Variants in NTRK3 observed in about 807,000 individuals in gnomAD.
NTRK3 encodes the protein NT-3 growth factor receptor.
Under a neutral mutation model 91.7 loss-of-function variants are expected in NTRK3, and 24 were observed. The observed-to-expected ratio is 0.26, with a 90% CI of 0.19 to 0.37. NTRK3 has a LOEUF of 0.37. Among genes scored for constraint, NTRK3 ranks in the 10% least tolerant of loss-of-function variants. The pLI, the probability that NTRK3 is intolerant of heterozygous loss-of-function variation, is 1.00. For synonymous variants in NTRK3, 483 were observed against 404.0 expected (o/e 1.20, Z -2.34); for missense variants, 880 against 1,068.9 (o/e 0.82, Z 2.46).
chr15:88,251,173 G>C (rs2053309058), intron 3 of NTRK3, among the ~76,000 whole-genome samples: 1 of 152,224 alleles, frequency 6.6e-6, no homozygotes, highest in African/African-American at 2.4e-5. Context: ...GAGTTTGCTA[G>C]AGGTGGGAAG....
chr15:88,056,261 A>T (rs2045685486), intron 13 of NTRK3, among the ~76,000 whole-genome samples: 1 of 149,900 alleles, frequency 6.7e-6, no homozygotes, highest in African/African-American at 2.4e-5. Flanking sequence ...ATGTGTATAA[A>T]ATGGAAATAG....
intron 3 of NTRK3, among the ~76,000 whole-genome samples, chr15:88,229,328 CAGG>C (rs1389747359): frequency 7.9e-5 from 12 of 152,140 alleles, no homozygotes; most frequent in African/African-American, 2.9e-4. Flanking sequence ...AGCCCATGAG[CAGG>C]AGAACTAGGA....
At chr15:88,119,846 G>T (rs1001901991) in intron 13 of NTRK3, among the ~76,000 whole-genome samples, 6 of 152,190 alleles carry the variant, frequency 3.9e-5, no homozygotes, top group Non-Finnish European at 8.8e-5. Context: ...CAGGGTGAAA[G>T]AAACTATTTT....
At position 88,012,866 on chromosome 15, in the gene NTRK3, T is replaced by A. The variant is rs545115119; in HGVS notation, c.1585+19991A>T. 2.8e-4 allele frequency among the ~76,000 whole-genome samples: 43 copies of A among 152,338 alleles called. No homozygotes were observed. The South Asian group carries it at 8.7e-3, about 31-fold the overall frequency. On this transcript the variant is annotated intron_variant, in intron 14 of 18. Coordinates refer to ENST00000394480, the Ensembl canonical transcript of NTRK3. ...TGAATCCCATGCCCAGAGTTTCGGA[T>A]TCAGTGGGTCTGAAGTGAATCCTGA...
intron 13 of NTRK3, among the ~76,000 whole-genome samples, chr15:88,096,467 C>G (rs936179170): frequency 3.3e-5 from 5 of 152,162 alleles, no homozygotes; most frequent in African/African-American, 1.2e-4. Flanking sequence ...TGCTGAGGCC[C>G]CACTCATATC....
chr15:87,958,454 T>C (rs1241456801), intron 14 of NTRK3, among the ~76,000 whole-genome samples: 1 of 152,076 alleles, frequency 6.6e-6, no homozygotes, highest in Non-Finnish European at 1.5e-5. Flanking sequence ...CTTGTGTGTC[T>C]AGTGGTCTTT....
intron 3 of NTRK3, among the ~76,000 whole-genome samples, chr15:88,218,227 A>T (rs2049954675): frequency 6.6e-6 from 1 of 152,176 alleles, no homozygotes; most frequent in African/African-American, 2.4e-5. Context: ...AAACAAGACC[A>T]CTATGTTGAG....
intron 14 of NTRK3, among the ~76,000 whole-genome samples, chr15:87,996,270 T>C (rs544897765): frequency 1.2e-3 from 184 of 152,036 alleles, no homozygotes; most frequent in Middle Eastern, 6.8e-3. Flanking sequence ...TAAAATAAAA[T>C]AAAACCATTC....
chr15:88,034,410 C>T (rs550094219), intron 13 of NTRK3, among the ~76,000 whole-genome samples: 21 of 152,330 alleles, frequency 1.4e-4, no homozygotes, highest in Admixed American at 3.3e-4. Context: ...AGATAATTAA[C>T]GCTGCAGTCT....
chr15:88,231,619 C>G (rs555705350), intron 3 of NTRK3, among the ~76,000 whole-genome samples: 16 of 152,156 alleles, frequency 1.1e-4, no homozygotes, highest in Admixed American at 6.5e-5. Context: ...TCACTCAATG[C>G]GAGCATCCAT....
At position 88,235,810 on chromosome 15, in the gene NTRK3, AC is replaced by A. The variant is rs1265219418; in HGVS notation, c.248+20095del. Among the ~76,000 whole-genome samples, 29 of 152,102 alleles carry A rather than the reference AC, an allele frequency of 1.9e-4. 1 individual carries two copies. The East Asian group carries it at 5.0e-3, about 26-fold the overall frequency. ...CAAGAAGCTGTGCACCACAACAGGA[AC>A]CCCCCTGGGGCTTTGAGTCAAACAG... On this transcript the variant is annotated intron_variant, in intron 3 of 18. Transcript: ENST00000394480. This position sits in a 1 kb window ranked among gnomAD's most constrained non-coding sequence, Gnocchi z 5.2.
At chr15:87,958,393 CT>C (rs1451233858) in intron 14 of NTRK3, among the ~76,000 whole-genome samples, 4 of 152,146 alleles carry the variant, frequency 2.6e-5, no homozygotes, top group Admixed American at 6.5e-5. Flanking sequence ...CAGATATCAT[CT>C]GACTTGTGAA....
intron 14 of NTRK3, among the ~76,000 whole-genome samples, chr15:88,009,265 A>G (rs114350914): frequency 0.021 from 3,240 of 152,286 alleles, 115 homozygotes; most frequent in African/African-American, 0.074. Context: ...CTTTGCATTT[A>G]TTTCCTTTAT....
intron 16 of NTRK3, among the ~76,000 whole-genome samples, 169 bp from the exon 17 acceptor site, chr15:87,929,603 G>T (rs915853889): frequency 6.6e-6 from 1 of 152,182 alleles, no homozygotes; most frequent in African/African-American, 2.4e-5. Context: ...TTATGTACGT[G>T]TGGGTAAGGG....
At chr15:87,896,858 T>A (rs1022395561) in intron 17 of NTRK3, among the ~76,000 whole-genome samples, 6 of 152,164 alleles carry the variant, frequency 3.9e-5, no homozygotes, top group Non-Finnish European at 8.8e-5. Flanking sequence ...TTGCCTCTCC[T>A]CTTCCCAGTA....
rs80238370 is a variant in NTRK3, at chr15:87,875,420, G to A, written c.*1515C>T. On this transcript the variant is annotated 3_prime_UTR_variant, in exon 19 of 19. Coordinates refer to ENST00000394480, the Ensembl canonical transcript of NTRK3. Reference sequence around the variant, plus strand: ...CAGCCAGGAAGGCAGTGATTCCCCAGTGCTGGGGCAGAGGGAGCAGGCCCC... The same window carrying A: ...CAGCCAGGAAGGCAGTGATTCCCCAATGCTGGGGCAGAGGGAGCAGGCCCC... 5.0e-3 allele frequency: 1,168 copies of A among 231,998 alleles called. 19 individuals carry two copies. The highest frequency in any genetic ancestry group is 0.025 in the East Asian group (414 of 16,392). The allele number at this position is 231,998 out of a possible 1,614,324, so 14.4% of individuals were successfully genotyped here.
At chr15:88,112,788 T>TATAG (rs2051562512) in intron 13 of NTRK3, among the ~76,000 whole-genome samples, 1 of 151,952 alleles carries the variant, frequency 6.6e-6, no homozygotes, top group Non-Finnish European at 1.5e-5. Flanking sequence ...AACAGCACTC[T>TATAG]CCCCCGCTTC....
At chr15:88,230,413 G>T (rs191001518) in intron 3 of NTRK3, among the ~76,000 whole-genome samples, 1 of 152,112 alleles carries the variant, frequency 6.6e-6, no homozygotes, top group Non-Finnish European at 1.5e-5. Context: ...TCATGATCGC[G>T]GAAAGCTGAC....
At chr15:88,208,357 T>C (rs1438799718) in intron 3 of NTRK3, among the ~76,000 whole-genome samples, 1 of 151,952 alleles carries the variant, frequency 6.6e-6, no homozygotes, top group Admixed American at 6.6e-5. Flanking sequence ...GATACCCCTC[T>C]AAAGGGAATC....
Sources: gnomAD v4.1 joint callset for allele counts (sites outside exome capture counted in the v4.1 genomes callset) on GRCh38, gnomAD v4.1.1 for gene constraint, Gnocchi (gnomAD v3.1) non-coding constraint, MANE v1.5 for transcripts, NCBI Gene and HGNC (gene_info 2026-07-23, HGNC 2026-07-21) for gene names.